GUCY2F: variants seen among roughly 807,000 people sequenced by gnomAD.
GUCY2F encodes guanylate cyclase 2F, retinal, also known as retinal guanylyl cyclase 2.
Under a neutral mutation model 73.1 loss-of-function variants are expected in GUCY2F, and 61 were observed. The observed-to-expected ratio is 0.83, with a 90% CI of 0.68 to 1.03. The LOEUF (loss-of-function observed/expected upper bound fraction) is 1.03, where lower values mean the gene tolerates loss of function less well. GUCY2F is among the 50% of genes least tolerant of loss of function. The pLI, the probability that GUCY2F is intolerant of heterozygous loss-of-function variation, is 0.00. For missense variants in GUCY2F, 912 were observed against 854.3 expected (o/e 1.07, Z -0.84); for synonymous variants, 331 against 307.8 (o/e 1.08, Z -0.79).
At chrX:109,450,083 T>C (rs1474068909) in intron 5 of GUCY2F, among the ~76,000 whole-genome samples, 2 of 111,027 alleles carry the variant, frequency 1.8e-5, no homozygotes, top group Non-Finnish European at 3.8e-5. Context: ...CTTTTGTGCT[T>C]TGTTAGCTGA....
chrX:109,441,508 T>C (rs1048600175), intron 6 of GUCY2F, 26 bp from the exon 7 acceptor site: 2 of 1,102,235 alleles, frequency 1.8e-6, no homozygotes. Context: ...GAAAGAAAAG[T>C]TATGACCAAA....
intron 3 of GUCY2F, among the ~76,000 whole-genome samples, chrX:109,458,732 A>T (rs1443471951): frequency 9.0e-6 from 1 of 111,138 alleles, no homozygotes; most frequent in African/African-American, 3.3e-5. Flanking sequence ...TAATAACCAC[A>T]ACTTTAATAA....
intron 12 of GUCY2F, among the ~76,000 whole-genome samples, chrX:109,395,088 G>A (rs954116796): frequency 7.1e-5 from 8 of 111,889 alleles, no homozygotes. Flanking sequence ...AGGTCAGATT[G>A]TGGATGGTCT....
chrX:109,392,616 G>A lies in GUCY2F; in HGVS notation c.2588+276C>T, dbSNP rs768480941. Among the ~76,000 whole-genome samples the A allele has an allele frequency of 2.7e-5, 3 of 110,155 alleles. No homozygotes were observed. The East Asian group carries it at 8.5e-4, about 31-fold the overall frequency. ...TTTCTTTTAATCGGTCAACCTCCTA[G>A]CAAAGTCACGAAGTGACACACAGAA... On this transcript the variant is annotated intron_variant, in intron 13 of 19. Coordinates refer to ENST00000218006, the MANE Select transcript of GUCY2F (RefSeq NM_001522.3).
At chrX:109,373,031 A>G (rs1352221780) in intron 19 of GUCY2F, 32 bp from the exon 20 acceptor site, 2 of 112,600 alleles carry the variant, frequency 1.8e-5, no homozygotes, top group African/African-American at 3.2e-5. Flanking sequence ...CAGTAACCAT[A>G]CCTTATATAT....
At chrX:109,435,942 G>C (rs1255928328) in intron 7 of GUCY2F, among the ~76,000 whole-genome samples, 1 of 111,054 alleles carries the variant, frequency 9.0e-6, no homozygotes, top group South Asian at 3.8e-4. Flanking sequence ...ATTGATTTGC[G>C]TATATTGAAC....
At chrX:109,468,710 A>G (rs1932517800) in intron 2 of GUCY2F, among the ~76,000 whole-genome samples, 1 of 111,916 alleles carries the variant, frequency 8.9e-6, no homozygotes, top group Admixed American at 9.5e-5. Context: ...TGTCCCCATC[A>G]TTTTATAGAA....
intron 11 of GUCY2F, among the ~76,000 whole-genome samples, chrX:109,397,184 G>C (rs1178921935): frequency 1.8e-5 from 2 of 111,509 alleles, no homozygotes; most frequent in Non-Finnish European, 3.8e-5. Flanking sequence ...AAAAGGCACA[G>C]AGATGGGAGA....
intron 4 of GUCY2F, among the ~76,000 whole-genome samples, 172 bp downstream of exon 4, chrX:109,453,333 T>C (rs968402892): frequency 9.0e-6 from 1 of 111,493 alleles, no homozygotes; most frequent in African/African-American, 3.3e-5. Flanking sequence ...GTACCTCTCA[T>C]TGTTCTTATT....
rs192407036 is a variant in GUCY2F at position 109,437,764 on chromosome X, C to T, written c.1701+3587G>A. On this transcript the variant is annotated intron_variant, in intron 7 of 19. Transcript: ENST00000218006. ...CCAAGATTGAGAACTTAGTTCAACC[C>T]TTCATTTTACAGATAAAAACCAAGG... 1.2e-3 allele frequency among the ~76,000 whole-genome samples: 133 copies of T among 112,788 alleles called. 1 individual carries two copies. Among genetic ancestry groups the T allele is most frequent in the Non-Finnish European group, 2.2e-4 (12 of 53,369 alleles).
At position 109,475,871 on chromosome X, in the gene GUCY2F, C is replaced by T; in HGVS notation, c.66G>A (p.Leu22=). 1 of 1,210,106 alleles carries T rather than the reference C, an allele frequency of 8.3e-7. No individual in the cohort carries two copies. The highest frequency in any genetic ancestry group is 1.1e-6 in the Non-Finnish European group (1 of 894,676). Residue 22 remains leucine, a synonymous_variant, in exon 2 of 20, where the codon CTG becomes CTA. Coordinates refer to ENST00000218006, the MANE Select transcript of GUCY2F (RefSeq NM_001522.3). ...TGGCAGATGCAAGGCCATGGTGTCC[C>T]AGCAGTTTCCTGAAAGCCGCAAACC... ...VLWFAAFRKL[L]GHHGLASAKF... is the part of the protein sequence containing the mutation.
intron 10 of GUCY2F, 24 bp from the exon 11 acceptor site, chrX:109,398,722 G>A: frequency 8.4e-7 from 1 of 1,187,016 alleles, no homozygotes; most frequent in Non-Finnish European, 1.1e-6. Context: ...ATTGTGTAAT[G>A]AATGCAGGGA....
chrX:109,398,366 G>A (rs1357207566), intron 11 of GUCY2F, among the ~76,000 whole-genome samples, 183 bp downstream of exon 11: 1 of 111,661 alleles, frequency 9.0e-6, no homozygotes, highest in Non-Finnish European at 1.9e-5. Context: ...CTTGGGTGGC[G>A]AAATTTCTTC....
At chrX:109,451,236 T>C (rs1162017314) in intron 5 of GUCY2F, among the ~76,000 whole-genome samples, 2 of 112,441 alleles carry the variant, frequency 1.8e-5, no homozygotes, top group Non-Finnish European at 3.8e-5. Context: ...CTTCAGCCAC[T>C]TATCCCTGAT....
intron 1 of GUCY2F, 32 bp from the exon 2 acceptor site, chrX:109,476,053 C>A: frequency 2.7e-5 from 14 of 524,050 alleles, no homozygotes; most frequent in East Asian, 4.3e-5. Flanking sequence ...TTGTTACTCA[C>A]ATTATTTCTG....
rs1367369346 is a variant in GUCY2F at position 109,475,529 on chromosome X, CG to C, written c.407del (p.Ser136CysfsTer17). On this transcript the variant is annotated frameshift_variant, in exon 2 of 20. Coordinates refer to ENST00000218006, the MANE Select transcript of GUCY2F (RefSeq NM_001522.3). LOFTEE classifies it high-confidence loss of function. ...PTNPGYCEAA[S>X]LLGNSWDKGI... Reference sequence around the variant, plus strand: ...CTTTGTCCCAGCTGTTTCCCAGGAGCGAGGCTGCCTCGCAGTAGCCAGGGTT... The same window carrying C: ...CTTTGTCCCAGCTGTTTCCCAGGAGCAGGCTGCCTCGCAGTAGCCAGGGTT... The C allele has an allele frequency of 2.5e-6, 3 of 1,208,870 alleles. No individual in the cohort carries two copies. In the African/African-American group the frequency reaches 5.3e-5, roughly 21 times the overall value.
At chrX:109,477,672 A>G (rs1932724501) in intron 1 of GUCY2F, among the ~76,000 whole-genome samples, 1 of 112,301 alleles carries the variant, frequency 8.9e-6, no homozygotes, top group African/African-American at 3.2e-5. Context: ...CTTAATTCTA[A>G]TCAAAGATCA....
At chrX:109,405,070 CA>C (rs1930941298) in intron 9 of GUCY2F, among the ~76,000 whole-genome samples, 1 of 112,016 alleles carries the variant, frequency 8.9e-6, no homozygotes. Flanking sequence ...GGTACATTCA[CA>C]CTAGGGAATA....
At chrX:109,395,253 C>T in intron 12 of GUCY2F, 88 bp downstream of exon 12, 1 of 814,947 alleles carries the variant, frequency 1.2e-6, no homozygotes, top group East Asian at 3.2e-5. Flanking sequence ...AGGTTCCTTC[C>T]ACAATATGAC....
Sources: gnomAD v4.1 joint callset for allele counts (sites outside exome capture counted in the v4.1 genomes callset) on GRCh38, gnomAD v4.1.1 for gene constraint, MANE v1.5 for transcripts, NCBI Gene and HGNC (gene_info 2026-07-23, HGNC 2026-07-21) for gene names.